Variants in DLX2 observed in about 807,000 individuals in gnomAD.
DLX2 encodes distal-less homeobox 2.
A neutral mutation model predicts 27.4 loss-of-function variants in DLX2; 8 were observed. The observed-to-expected ratio is 0.29, with a 90% CI of 0.17 to 0.53. The LOEUF is 0.53. DLX2 is among the 20% of genes least tolerant of loss of function. The pLI, the probability that DLX2 is intolerant of heterozygous loss-of-function variation, is 0.96. For synonymous variants in DLX2, 210 were observed against 200.8 expected (o/e 1.05, Z -0.39); for missense variants, 421 against 450.9 (o/e 0.93, Z 0.60).
In DLX2 at chr2:172,100,920, G is replaced by A. The variant is rs1414617008; in HGVS notation, c.610C>T (p.Arg204Trp). The A allele has an allele frequency of 6.2e-7, 1 of 1,612,516 alleles. No homozygotes were observed. Among genetic ancestry groups the A allele is most frequent in the Non-Finnish European group, 8.5e-7 (1 of 1,179,778 alleles). Residue 204 changes from arginine to tryptophan, a missense_variant, in exon 3 of 3, where the codon CGG (arginine) becomes TGG (tryptophan). This residue lies in a region of DLX2 where 36 missense variants were observed against 73.6 expected (regional missense o/e 0.49). Transcript: ENST00000234198. The surrounding 1 kb of genome is among the most constrained non-coding windows in gnomAD (Gnocchi z 4.5). ...TTCCACATCTTCTTGAACTTGGACCGGCGGTTCTGGAACCAGATTTTGACC... is the reference window on the plus strand; with the variant it reads ...TTCCACATCTTCTTGAACTTGGACCAGCGGTTCTGGAACCAGATTTTGACC... ...TQVKIWFQNR[R>W]SKFKKMWKSG... is the part of the protein sequence containing the mutation.
Position 172,101,476 on chromosome 2 carries a change from G to T in DLX2, c.571C>A (p.Leu191Ile), listed in dbSNP as rs1485612982. 2 of 1,604,462 alleles carry T rather than the reference G, an allele frequency of 1.2e-6. No individual in the cohort carries two copies. The highest frequency in any genetic ancestry group is 1.7e-5 in the Admixed American group (1 of 58,118). The part of the protein sequence containing the change: ...ERAELAASLG[L>I]TQTQVKIWFQ... ...GCGAGCCCCACCTGAGTCTGGGTGA[G>T]GCCCAGAGAGGCCGCCAGCTCGGCT... The change falls in exon 2 of 3, where the codon CTC becomes ATC. Residue 191 changes from leucine (L) to isoleucine (I), a missense_variant. This residue lies in a region of DLX2 where 36 missense variants were observed against 73.6 expected (regional missense o/e 0.49). Coordinates refer to ENST00000234198, the MANE Select transcript of DLX2 (RefSeq NM_004405.4).
In DLX2 at chr2:172,099,594, T is replaced by G. The variant is rs1347269049; in HGVS notation, c.*949A>C. 2 of 152,626 alleles carry G rather than the reference T, an allele frequency of 1.3e-5. No homozygotes were observed. The highest frequency in any genetic ancestry group is 2.9e-5 in the Non-Finnish European group (2 of 68,034). The allele number at this position is 152,626 out of a possible 1,614,324, so 9.5% of individuals were successfully genotyped here. On this transcript the variant is annotated 3_prime_UTR_variant, in exon 3 of 3. Transcript: ENST00000234198. ...AAACAAATCCAAATCAGTAGCTTAA[T>G]TTAACTGAAATGTTTTTAAAGGAAA...
intron 2 of DLX2, 48 bp downstream of exon 2, chr2:172,101,414 C>T: frequency 1.3e-6 from 2 of 1,531,954 alleles, no homozygotes; most frequent in Non-Finnish European, 1.8e-6. Flanking sequence ...TGCTTCCCAG[C>T]CATCTCAGGC....
At chr2:172,101,021 A>G (rs1691144975) in intron 2 of DLX2, 77 bp from the exon 3 acceptor site, 19 of 1,510,066 alleles carry the variant, frequency 1.3e-5, no homozygotes, top group Non-Finnish European at 1.7e-5. Context: ...GAGAAAAAAG[A>G]AGGCAGAGAA....
In DLX2 at chr2:172,099,551, A is replaced by G. The variant is rs1047037748; in HGVS notation, c.*992T>C. ...AAAATACCTTTCATTTCAACAACAA[A>G]GACTTTAGGATACGATAAAACAAAT... On this transcript the variant is annotated 3_prime_UTR_variant, in exon 3 of 3. Coordinates refer to ENST00000234198, the MANE Select transcript of DLX2 (RefSeq NM_004405.4). The G allele has an allele frequency of 2.0e-5, 3 of 152,690 alleles. No homozygotes were observed. The highest frequency in any genetic ancestry group is 2.9e-5 in the Non-Finnish European group (2 of 68,054). The allele number at this position is 152,690 out of a possible 1,614,324, so 9.5% of individuals were successfully genotyped here. A position where few individuals can be genotyped will look rare whatever the true frequency, so the allele number is the denominator to read the frequency against.
At chr2:172,101,291 G>T in intron 2 of DLX2, 171 bp downstream of exon 2, 2 of 780,528 alleles carry the variant, frequency 2.6e-6, no homozygotes, top group South Asian at 1.9e-5. Flanking sequence ...GCGGCCCCTT[G>T]GGGGTTTCCA....
Position 172,102,277 on chromosome 2 carries a change from C to G in DLX2, c.262G>C (p.Gly88Arg), listed in dbSNP as rs149546596. 1.2e-6 allele frequency: 2 copies of G among 1,613,756 alleles called. No individual in the cohort carries two copies. Among genetic ancestry groups the G allele is most frequent in the Non-Finnish European group, 1.7e-6 (2 of 1,179,950 alleles). ...GGGGSPYAHM[G>R]SYQYQASGLN... is the part of the protein sequence containing the mutation. The stretch of plus-strand genomic sequence containing the variant: ...CCGCTGGCTTGGTACTGGTAGGAAC[C>G]CATGTGCGCGTAGGGCGAGCCCCCG... Residue 88 changes from glycine to arginine, a missense_variant, in exon 1 of 3, where the codon GGT becomes CGT. Gly to Arg is a moderately radical substitution (Grantham distance 125). This residue lies in a region of DLX2 where 141 missense variants were observed against 123.5 expected (regional missense o/e 1.14). Coordinates refer to ENST00000234198, the MANE Select transcript of DLX2 (RefSeq NM_004405.4).
intron 2 of DLX2, 23 bp downstream of exon 2, chr2:172,101,439 C>T (rs779192643): frequency 6.3e-7 from 1 of 1,579,624 alleles, no homozygotes; most frequent in Non-Finnish European, 8.6e-7. Flanking sequence ...GCTCTCCTCG[C>T]CCCTGCAGGG....
chr2:172,101,155 T>C, intron 2 of DLX2: 1 of 629,482 alleles, frequency 1.6e-6, no homozygotes, highest in South Asian at 2.0e-5. Flanking sequence ...CCAGGACTGC[T>C]GGTGTACGTG....
At chr2:172,101,152 T>G (rs1368691977) in intron 2 of DLX2, 2 of 634,476 alleles carry the variant, frequency 3.2e-6, no homozygotes, top group Non-Finnish European at 5.4e-6. Context: ...AGGCCAGGAC[T>G]GCTGGTGTAC....
chr2:172,100,397 G>C lies in DLX2; in HGVS notation c.*146C>G. 1 of 876,974 alleles carries C rather than the reference G, an allele frequency of 1.1e-6. No individual in the cohort carries two copies. Among genetic ancestry groups the C allele is most frequent in the Non-Finnish European group, 1.6e-6 (1 of 615,738 alleles). The allele number at this position is 876,974 out of a possible 1,614,324, so 54.3% of individuals were successfully genotyped here. On this transcript the variant is annotated 3_prime_UTR_variant, in exon 3 of 3. Transcript: ENST00000234198. The surrounding 1 kb of genome is among the most constrained non-coding windows in gnomAD (Gnocchi z 4.5). ...GCCCGTTTGGTGGCCCCGGGAGTGA[G>C]CAGGGCCTGAGACGGGCCACTGCAG... is the stretch of plus-strand genomic sequence containing the variant.
In DLX2 at chr2:172,102,564, A is replaced by T; in HGVS notation, c.-26T>A. ...CCTGGCCCGAGACGGGAAAGAGCAG[A>T]GGTGGCGGGCGTGCGGGGGAAGCCA... is the stretch of plus-strand genomic sequence containing the variant. On this transcript the variant is annotated 5_prime_UTR_variant, in exon 1 of 3. Transcript: ENST00000234198. 1 of 1,492,544 alleles carries T rather than the reference A, an allele frequency of 6.7e-7. No individual in the cohort carries two copies. The highest frequency in any genetic ancestry group is 1.3e-5 in the South Asian group (1 of 74,500). The allele number at this position is 1,492,544 out of a possible 1,614,324, so 92.5% of individuals were successfully genotyped here. A position where few individuals can be genotyped will look rare whatever the true frequency, so the allele number is the denominator to read the frequency against.
Position 172,102,399 on chromosome 2 carries a change from A to G in DLX2, c.140T>C (p.Leu47Pro). ...GGTGGGCGACTCCTGGGGCTTGTGG[A>G]GGCTGCTGCTGCTGCTGCTGTTGCC... ...PGGNSSSSSS[L>P]HKPQESPTLP... Residue 47 changes from leucine to proline, a missense_variant, in exon 1 of 3, where the codon CTC becomes CCC. Leu to Pro is a moderately conservative substitution (Grantham distance 98, BLOSUM62 -3). Coordinates refer to ENST00000234198, the MANE Select transcript of DLX2 (RefSeq NM_004405.4). 2 of 1,550,702 alleles carry G rather than the reference A, an allele frequency of 1.3e-6. No individual in the cohort carries two copies. The highest frequency in any genetic ancestry group is 1.7e-6 in the Non-Finnish European group (2 of 1,148,020).
chr2:172,100,472 A>T lies in DLX2; in HGVS notation c.*71T>A. ...TGGCGGCAGCGGGCCGGGAGGAGGG[A>T]ACCCCGGCTCGGGGTAAGCAATGAG... On this transcript the variant is annotated 3_prime_UTR_variant, in exon 3 of 3. Transcript: ENST00000234198. This position sits in a 1 kb window ranked among gnomAD's most constrained non-coding sequence, Gnocchi z 4.5. 6 of 1,447,356 alleles carry T rather than the reference A, an allele frequency of 4.1e-6. No individual in the cohort carries two copies. Among genetic ancestry groups the T allele is most frequent in the Non-Finnish European group, 4.6e-6 (5 of 1,093,550 alleles). 89.7% of individuals were successfully genotyped at this position (1,447,356 alleles called of 1,614,324 possible).
In DLX2 at chr2:172,102,565, G is replaced by A; in HGVS notation, c.-27C>T. The A allele has an allele frequency of 6.7e-7, 1 of 1,490,248 alleles. No homozygotes were observed. Among genetic ancestry groups the A allele is most frequent in the Non-Finnish European group, 8.9e-7 (1 of 1,120,870 alleles). 92.3% of individuals were successfully genotyped at this position (1,490,248 alleles called of 1,614,324 possible). ...CTGGCCCGAGACGGGAAAGAGCAGAGGTGGCGGGCGTGCGGGGGAAGCCAG... is the reference window on the plus strand; with the variant it reads ...CTGGCCCGAGACGGGAAAGAGCAGAAGTGGCGGGCGTGCGGGGGAAGCCAG... On this transcript the variant is annotated 5_prime_UTR_variant, in exon 1 of 3. Coordinates refer to ENST00000234198, the MANE Select transcript of DLX2 (RefSeq NM_004405.4).
Position 172,100,762 on chromosome 2 carries a change from G to T in DLX2, c.768C>A (p.Gly256=), listed in dbSNP as rs1165145307. The T allele has an allele frequency of 1.3e-6, 2 of 1,573,144 alleles. No individual in the cohort carries two copies. The highest frequency in any genetic ancestry group is 1.7e-6 in the Non-Finnish European group (2 of 1,159,988). Residue 256 remains glycine, a synonymous_variant, in exon 3 of 3, where the codon GGC becomes GGA. Coordinates refer to ENST00000234198, the MANE Select transcript of DLX2 (RefSeq NM_004405.4). The surrounding 1 kb of genome is among the most constrained non-coding windows in gnomAD (Gnocchi z 4.5). The part of the protein sequence containing the change: ...PQRMAGGGGP[G]SGGSGAGSSG... ...AGCTGCCGGCGCCGCTGCCGCCACTGCCCGGACCACCGCCGCCCGCCATCC... is the reference window on the plus strand; with the variant it reads ...AGCTGCCGGCGCCGCTGCCGCCACTTCCCGGACCACCGCCGCCCGCCATCC...
At chr2:172,101,020 G>A in intron 2 of DLX2, 76 bp from the exon 3 acceptor site, 2 of 1,512,170 alleles carry the variant, frequency 1.3e-6, no homozygotes, top group Non-Finnish European at 1.8e-6. Flanking sequence ...GGAGAAAAAA[G>A]AAGGCAGAGA....
In DLX2 at chr2:172,099,909, AC is replaced by A. The variant is rs1691121275; in HGVS notation, c.*633del. The A allele has an allele frequency of 6.6e-6, 1 of 152,544 alleles. No homozygotes were observed. Among genetic ancestry groups the A allele is most frequent in the Non-Finnish European group, 1.5e-5 (1 of 68,046 alleles). The allele number at this position is 152,544 out of a possible 1,614,324, so 9.4% of individuals were successfully genotyped here. On this transcript the variant is annotated 3_prime_UTR_variant, in exon 3 of 3. Coordinates refer to ENST00000234198, the MANE Select transcript of DLX2 (RefSeq NM_004405.4). The stretch of plus-strand genomic sequence containing the variant: ...AGGCACCTAAACTTTTAAAAAAATA[AC>A]AAATAAAAAAACTCCACTGGTGATG...
At position 172,102,714 on chromosome 2, in the gene DLX2, C is replaced by T. The variant is rs1691188374; in HGVS notation, c.-176G>A. 4.8e-6 allele frequency: 3 copies of T among 626,990 alleles called. No individual in the cohort carries two copies. Among genetic ancestry groups the T allele is most frequent in the Admixed American group, 3.4e-5 (1 of 29,110 alleles). 38.8% of individuals were successfully genotyped at this position (626,990 alleles called of 1,614,324 possible). ...TCCTCCGGGGGAGGCGATCACCGTG[C>T]GCTGCTCGGGACAGCTGCCTCTGGT... On this transcript the variant is annotated 5_prime_UTR_variant, in exon 1 of 3. Transcript: ENST00000234198.
Sources: gnomAD v4.1 joint callset for allele counts on GRCh38, gnomAD v4.1.1 for gene constraint, gnomAD v4.1.1 regional missense constraint, Gnocchi (gnomAD v3.1) non-coding constraint, MANE v1.5 for transcripts, NCBI Gene and HGNC (gene_info 2026-07-23, HGNC 2026-07-21) for gene names.